Variants in EBF1 observed in about 807,000 individuals in gnomAD.
The protein encoded by EBF1 is transcription factor COE1.
EBF1 carries 10 observed loss-of-function variants against 68.4 expected under a neutral mutation model. The observed-to-expected ratio is 0.15, with a 90% CI of 0.09 to 0.25. The LOEUF is 0.25. EBF1 is among the 10% of genes least tolerant of loss of function. The pLI is 1.00. For synonymous variants in EBF1, 298 were observed against 299.8 expected (o/e 0.99, Z 0.06); for missense variants, 509 against 794.4 (o/e 0.64, Z 4.32).
intron 6 of EBF1, among the ~76,000 whole-genome samples, chr5:159,065,240 G>T (rs940639350): frequency 9.2e-5 from 14 of 152,088 alleles, no homozygotes; most frequent in African/African-American, 2.9e-4. Flanking sequence ...TCAAATCATG[G>T]TTGCTTCAGG....
intron 11 of EBF1, among the ~76,000 whole-genome samples, chr5:158,723,934 GCACGCA>G (rs1447383388): frequency 1.3e-5 from 2 of 152,020 alleles, no homozygotes; most frequent in Non-Finnish European, 2.9e-5. Context: ...ACGCACACAT[GCACGCA>G]CACACACACA....
At chr5:159,095,200 C>T (rs909458096) in intron 4 of EBF1, among the ~76,000 whole-genome samples, 1 of 152,186 alleles carries the variant, frequency 6.6e-6, no homozygotes, top group East Asian at 1.9e-4. Context: ...CCGCCTCTGC[C>T]ACCCCTCCTC....
At chr5:159,029,136 T>A (rs1768272996) in intron 6 of EBF1, among the ~76,000 whole-genome samples, 1 of 152,134 alleles carries the variant, frequency 6.6e-6, no homozygotes, top group Middle Eastern at 3.4e-3. Context: ...AAAAGACATA[T>A]AAATAAAATA....
At chr5:158,940,649 A>T (rs1648790313) in intron 6 of EBF1, among the ~76,000 whole-genome samples, 1 of 151,920 alleles carries the variant, frequency 6.6e-6, no homozygotes, top group African/African-American at 2.4e-5. Context: ...TCAGGGAGAC[A>T]TCAAAGACAG....
intron 9 of EBF1, among the ~76,000 whole-genome samples, chr5:158,785,493 G>A (rs1777245887): frequency 6.6e-6 from 1 of 152,142 alleles, no homozygotes; most frequent in East Asian, 1.9e-4. Flanking sequence ...CCTAATCAGA[G>A]TTCTCTGGGT....
intron 4 of EBF1, among the ~76,000 whole-genome samples, chr5:159,093,889 G>A (rs944929486): frequency 6.6e-6 from 1 of 151,784 alleles, no homozygotes; most frequent in East Asian, 1.9e-4. Flanking sequence ...AAGCAGACAG[G>A]CCTTATGTAC....
intron 7 of EBF1, among the ~76,000 whole-genome samples, chr5:158,830,576 C>T (rs1213437990): frequency 1.3e-5 from 2 of 152,186 alleles, no homozygotes; most frequent in Non-Finnish European, 2.9e-5. Context: ...GGCCTCTGGC[C>T]TTTCAGTACA....
intron 7 of EBF1, among the ~76,000 whole-genome samples, chr5:158,827,441 G>A (rs1311268184): frequency 6.6e-6 from 1 of 152,106 alleles, no homozygotes; most frequent in Non-Finnish European, 1.5e-5. Flanking sequence ...TCTTACATTT[G>A]AGGCTTTATT....
chr5:158,841,924 AG>A (rs1476788475), intron 6 of EBF1, among the ~76,000 whole-genome samples: 1 of 152,250 alleles, frequency 6.6e-6, no homozygotes, highest in Non-Finnish European at 1.5e-5. Flanking sequence ...CATCAATGAA[AG>A]CAGGCCTCTA....
At chr5:159,095,768 A>C in intron 3 of EBF1, 93 bp from the exon 4 acceptor site, 3 of 1,324,896 alleles carry the variant, frequency 2.3e-6, no homozygotes, top group Non-Finnish European at 3.2e-6. Flanking sequence ...AATAACAACA[A>C]AACCCCCACA....
intron 14 of EBF1, 31 bp from the exon 15 acceptor site, chr5:158,708,204 G>C (rs1469204798): frequency 1.5e-5 from 23 of 1,550,428 alleles, no homozygotes; most frequent in Non-Finnish European, 1.9e-5. Context: ...GGAGAAATCA[G>C]TGCCTTTCAT....
chr5:158,704,763 G>A (rs960517391), intron 15 of EBF1, among the ~76,000 whole-genome samples: 4 of 152,108 alleles, frequency 2.6e-5, no homozygotes, highest in African/African-American at 9.7e-5. Flanking sequence ...CTAAGGCTGG[G>A]TCCTCTTTGC....
intron 6 of EBF1, among the ~76,000 whole-genome samples, chr5:158,931,170 A>G (rs758537836): frequency 3.9e-5 from 6 of 152,184 alleles, no homozygotes; most frequent in African/African-American, 7.2e-5. Flanking sequence ...TTTCTAGTTT[A>G]CTTTTTTTAA....
At chr5:158,867,369 T>C (rs1178434459) in intron 6 of EBF1, among the ~76,000 whole-genome samples, 1 of 152,188 alleles carries the variant, frequency 6.6e-6, no homozygotes, top group Non-Finnish European at 1.5e-5. Flanking sequence ...GAAAAAATCA[T>C]TAGTATGTAA....
At position 158,714,140 on chromosome 5, in the gene EBF1, A is replaced by G. The variant is rs1349883656; in HGVS notation, c.1168T>C (p.Tyr390His). The change falls in exon 12 of 16, where the codon TAT (tyrosine) becomes CAT (histidine). Residue 390 changes from tyrosine (Y) to histidine (H), a missense_variant. By Grantham distance (83) the Tyr-to-His change is moderately conservative (BLOSUM62 2). Around this residue, in one of 3 missense-constraint regions of EBF1, gnomAD observed 230 missense variants for 467.7 expected, o/e 0.49. Coordinates refer to ENST00000313708, the MANE Select transcript of EBF1 (RefSeq NM_024007.5). The stretch of plus-strand genomic sequence containing the variant: ...ACCTGGTTGTTGTGTGGCATCCCAT[A>G]CAGTGCTTCTACCAGATCCGCAGCC... ...KRAADLVEAL[Y>H]GMPHNNQEII... 1.2e-6 allele frequency: 2 copies of G among 1,614,250 alleles called. No individual in the cohort carries two copies. Among genetic ancestry groups the G allele is most frequent in the Non-Finnish European group, 1.7e-6 (2 of 1,180,046 alleles).
chr5:158,717,302 G>A (rs147005950), intron 11 of EBF1, among the ~76,000 whole-genome samples: 2 of 152,258 alleles, frequency 1.3e-5, no homozygotes, highest in South Asian at 4.1e-4. Context: ...GGAAATGATT[G>A]AGCCTTGGAT....
intron 6 of EBF1, among the ~76,000 whole-genome samples, chr5:159,013,940 G>A (rs1237059940): frequency 6.6e-6 from 1 of 152,166 alleles, no homozygotes; most frequent in African/African-American, 2.4e-5. Flanking sequence ...AACCTGGATA[G>A]ATATAAATAT....
intron 10 of EBF1, among the ~76,000 whole-genome samples, chr5:158,765,345 T>C (rs1361804948): frequency 5.3e-5 from 8 of 152,184 alleles, no homozygotes; most frequent in East Asian, 1.9e-4. Context: ...CCTGGCCTCA[T>C]TGACTATTTT....
intron 10 of EBF1, among the ~76,000 whole-genome samples, chr5:158,767,420 A>G (rs1772954898): frequency 6.6e-6 from 1 of 152,190 alleles, no homozygotes; most frequent in African/African-American, 2.4e-5. Flanking sequence ...TCAGGGAATC[A>G]GGTAATTCCA....
Sources: gnomAD v4.1 joint callset for allele counts (sites outside exome capture counted in the v4.1 genomes callset) on GRCh38, gnomAD v4.1.1 for gene constraint, gnomAD v4.1.1 regional missense constraint, MANE v1.5 for transcripts, NCBI Gene and HGNC (gene_info 2026-07-23, HGNC 2026-07-21) for gene names.